Variants in PRKG1 observed in about 807,000 individuals in gnomAD.
The protein encoded by PRKG1 is protein kinase cGMP-dependent 1.
In PRKG1, 35 loss-of-function variants were observed where a neutral mutation model predicts 88.1. The observed-to-expected ratio is 0.40, with a 90% CI of 0.30 to 0.53. PRKG1 has a LOEUF of 0.53. Among genes scored for constraint, PRKG1 ranks in the 20% least tolerant of loss-of-function variants. PRKG1 has a pLI of 0.59. For synonymous variants in PRKG1, 303 were observed against 292.5 expected (o/e 1.04, Z -0.37); for missense variants, 540 against 839.8 (o/e 0.64, Z 4.41).
chr10:51,658,198 T>C (rs1840209123), intron 3 of PRKG1, among the ~76,000 whole-genome samples: 1 of 152,066 alleles, frequency 6.6e-6, no homozygotes, highest in Non-Finnish European at 1.5e-5. Flanking sequence ...CACTACTGGA[T>C]CAAGATTTTA....
At chr10:51,648,270 T>A (rs1041960408) in intron 3 of PRKG1, among the ~76,000 whole-genome samples, 4 of 152,178 alleles carry the variant, frequency 2.6e-5, no homozygotes, top group Non-Finnish European at 4.4e-5. Flanking sequence ...GATGCACATA[T>A]CTCTATCTCC....
At chr10:51,100,350 A>G (rs1479223746) in intron 1 of PRKG1, among the ~76,000 whole-genome samples, 1 of 152,192 alleles carries the variant, frequency 6.6e-6, no homozygotes, top group African/African-American at 2.4e-5. Flanking sequence ...GAAAATTTAA[A>G]ATGTCTAATG....
intron 2 of PRKG1, among the ~76,000 whole-genome samples, chr10:51,201,221 G>A (rs2132055985): frequency 6.6e-6 from 1 of 152,258 alleles, no homozygotes; most frequent in East Asian, 1.9e-4. Context: ...AGCACTTTGG[G>A]AGGCCGAGGT....
intron 1 of PRKG1, among the ~76,000 whole-genome samples, chr10:51,050,595 A>G (rs964118336): frequency 2.6e-5 from 4 of 152,138 alleles, no homozygotes; most frequent in Non-Finnish European, 5.9e-5. Context: ...TGTCTTGGCT[A>G]TTGTAAATAA....
intron 7 of PRKG1, among the ~76,000 whole-genome samples, chr10:52,123,536 A>G (rs1847867695): frequency 6.6e-6 from 1 of 152,042 alleles, no homozygotes; most frequent in Admixed American, 6.6e-5. Flanking sequence ...TAATACATTG[A>G]CCTTTATGCA....
intron 2 of PRKG1, among the ~76,000 whole-genome samples, chr10:51,226,080 T>A (rs1404604054): frequency 6.6e-6 from 1 of 152,126 alleles, no homozygotes; most frequent in Non-Finnish European, 1.5e-5. Flanking sequence ...GGCAGGCACC[T>A]GTAGTCCCAG....
chr10:51,047,845 G>C (rs770661835), intron 1 of PRKG1, among the ~76,000 whole-genome samples: 15 of 152,082 alleles, frequency 9.9e-5, no homozygotes, highest in Non-Finnish European at 1.9e-4. Context: ...TTTTATAAAA[G>C]TGAGGAATAT....
chr10:51,587,104 T>G (rs1330475901), intron 3 of PRKG1, among the ~76,000 whole-genome samples: 1 of 152,156 alleles, frequency 6.6e-6, no homozygotes, highest in East Asian at 1.9e-4. Flanking sequence ...GAACAACATA[T>G]TCAGACGGGC....
intron 2 of PRKG1, among the ~76,000 whole-genome samples, chr10:51,201,255 G>A (rs1476134148): frequency 1.3e-5 from 2 of 152,096 alleles, no homozygotes; most frequent in Non-Finnish European, 2.9e-5. Context: ...GAGATCAGGA[G>A]TTCTAGACCA....
intron 2 of PRKG1, among the ~76,000 whole-genome samples, chr10:51,406,079 G>A (rs908622106): frequency 6.6e-6 from 1 of 152,110 alleles, no homozygotes; most frequent in Non-Finnish European, 1.5e-5. Context: ...GCGATCCTCT[G>A]TCTCTACTTC....
intron 5 of PRKG1, among the ~76,000 whole-genome samples, chr10:52,021,584 A>C (rs1845186183): frequency 6.6e-6 from 1 of 152,192 alleles, no homozygotes; most frequent in African/African-American, 2.4e-5. Context: ...TGTTTGAAAA[A>C]ATTACATATG....
intron 1 of PRKG1, among the ~76,000 whole-genome samples, chr10:51,026,528 C>G (rs930680602): frequency 6.6e-6 from 1 of 152,164 alleles, no homozygotes; most frequent in Admixed American, 6.6e-5. Context: ...TAGTGCCAAT[C>G]AGCCATCCTA....
intron 5 of PRKG1, among the ~76,000 whole-genome samples, chr10:51,933,947 G>A (rs1842749140): frequency 6.6e-6 from 1 of 151,952 alleles, no homozygotes; most frequent in African/African-American, 2.4e-5. Flanking sequence ...AAAATAGTTA[G>A]GAAGCATTAT....
intron 2 of PRKG1, among the ~76,000 whole-genome samples, chr10:51,458,837 C>A (rs1401298976): frequency 6.6e-6 from 1 of 152,074 alleles, no homozygotes. Context: ...ATTTTTCAAC[C>A]AAACATGGAT....
At chr10:51,179,067 C>T (rs980164512) in intron 2 of PRKG1, among the ~76,000 whole-genome samples, 1 of 152,168 alleles carries the variant, frequency 6.6e-6, no homozygotes, top group Non-Finnish European at 1.5e-5. Flanking sequence ...GAAGCTTTCA[C>T]TACAGCTTCA....
chr10:51,799,797 G>A (rs1839119937), intron 3 of PRKG1, among the ~76,000 whole-genome samples: 1 of 152,014 alleles, frequency 6.6e-6, no homozygotes, highest in South Asian at 2.1e-4. Flanking sequence ...TCCAGGACTT[G>A]CTTAGAGCAG....
intron 3 of PRKG1, among the ~76,000 whole-genome samples, chr10:51,540,897 T>A (rs1163372083): frequency 6.6e-6 from 1 of 152,146 alleles, no homozygotes; most frequent in Non-Finnish European, 1.5e-5. Flanking sequence ...TGTTATACTT[T>A]TAGAAGAGAC....
chr10:52,094,220 G>A (rs778405098), intron 7 of PRKG1, among the ~76,000 whole-genome samples: 1 of 152,076 alleles, frequency 6.6e-6, no homozygotes. Flanking sequence ...TGAAGGATTT[G>A]AAATTCACCT....
chr10:51,937,080 G>T (rs1473992430), intron 5 of PRKG1, among the ~76,000 whole-genome samples: 2 of 151,948 alleles, frequency 1.3e-5, no homozygotes, highest in Non-Finnish European at 2.9e-5. Context: ...TTACACTCTA[G>T]AGTTGGAAAA....
Sources: allele counts gnomAD v4.1 joint callset (sites outside exome capture counted in the v4.1 genomes callset), GRCh38; gene constraint gnomAD v4.1.1; transcripts MANE v1.5; gene names NCBI Gene and HGNC (gene_info 2026-07-23, HGNC 2026-07-21).